RORA: variants seen among roughly 807,000 people sequenced by gnomAD.
RORA encodes nuclear receptor ROR-alpha.
Under a neutral mutation model 69.5 loss-of-function variants are expected in RORA, and 7 were observed. That is an observed-to-expected ratio of 0.10 (90% CI 0.06 to 0.19). The LOEUF is 0.19. Among genes scored for constraint, RORA ranks in the 10% least tolerant of loss-of-function variants. RORA has a pLI of 1.00. For missense variants in RORA, 457 were observed against 663.0 expected (o/e 0.69, Z 3.41); for synonymous variants, 261 against 240.8 (o/e 1.08, Z -0.78).
rs2080033404 is a variant in RORA, at chr15:61,215,558, C to G, written c.166+13495G>C. Among the ~76,000 whole-genome samples the G allele has an allele frequency of 1.3e-5, 2 of 152,198 alleles. 1 individual carries two copies. The highest frequency in any genetic ancestry group is 4.1e-4 in the South Asian group (2 of 4,828). On this transcript the variant is annotated intron_variant, in intron 1 of 10. Coordinates refer to ENST00000335670, the MANE Select transcript of RORA (RefSeq NM_134261.3). ...ATTAATATGTGTCCCCATTCATAATCAACTTGTTAAAAGGCAACATAAGCC... is the reference window on the plus strand; with the variant it reads ...ATTAATATGTGTCCCCATTCATAATGAACTTGTTAAAAGGCAACATAAGCC...
At chr15:60,731,810 T>C (rs1282883356) in intron 1 of RORA, among the ~76,000 whole-genome samples, 1 of 152,248 alleles carries the variant, frequency 6.6e-6, no homozygotes, top group Non-Finnish European at 1.5e-5. Flanking sequence ...ATCATCTCCA[T>C]TATTAGCAGC....
intron 1 of RORA, among the ~76,000 whole-genome samples, chr15:61,204,893 CT>C (rs1266689180): frequency 2.0e-5 from 3 of 152,188 alleles, no homozygotes; most frequent in Non-Finnish European, 4.4e-5. Context: ...AGCCCTGAGG[CT>C]TATGGAAGAG....
Position 60,558,231 on chromosome 15 carries a change from G to A in RORA, c.197-26380C>T, listed in dbSNP as rs775864488. On this transcript the variant is annotated intron_variant, in intron 2 of 10. Transcript: ENST00000335670. ...GGCCTTTGGATTCACTTACACAGACGCCAGTAAGAACAAAAGCATCACCTG... is the reference window on the plus strand; with the variant it reads ...GGCCTTTGGATTCACTTACACAGACACCAGTAAGAACAAAAGCATCACCTG... 1.6e-5 allele frequency: 26 copies of A among 1,608,720 alleles called. No individual in the cohort carries two copies. Among genetic ancestry groups the A allele is most frequent in the Middle Eastern group, 2.2e-4 (1 of 4,574 alleles).
chr15:60,839,578 C>T (rs1244628392), intron 1 of RORA, among the ~76,000 whole-genome samples: 1 of 152,224 alleles, frequency 6.6e-6, no homozygotes, highest in East Asian at 1.9e-4. Flanking sequence ...CACACCCTTA[C>T]TCACTGCATT....
rs1167561370 is a variant in RORA at position 60,905,400 on chromosome 15, T to G, written c.167-226714A>C. Among the ~76,000 whole-genome samples, 3 of 152,238 alleles carry G rather than the reference T, an allele frequency of 2.0e-5. No homozygotes were observed. Among genetic ancestry groups the G allele is most frequent in the African/African-American group, 7.2e-5 (3 of 41,460 alleles). On this transcript the variant is annotated intron_variant, in intron 1 of 10. Coordinates refer to ENST00000335670, the MANE Select transcript of RORA (RefSeq NM_134261.3). The surrounding 1 kb of genome is among the most constrained non-coding windows in gnomAD (Gnocchi z 4.8). ...ACAGCTCATTAGATCAACTTTTTTT[T>G]CTGTGTATTTTTTTTTCTTTTTAAA...
intron 1 of RORA, among the ~76,000 whole-genome samples, chr15:61,166,499 C>T (rs2079540683): frequency 3.3e-5 from 5 of 152,142 alleles, no homozygotes; most frequent in Admixed American, 3.3e-4. Flanking sequence ...TCTTACACAA[C>T]ATTTGGACTT....
chr15:61,089,256 T>G (rs1423760916), intron 1 of RORA, among the ~76,000 whole-genome samples: 1 of 152,166 alleles, frequency 6.6e-6, no homozygotes, highest in Non-Finnish European at 1.5e-5. Context: ...CCCCCTACTG[T>G]AGAAAAAAGT....
chr15:61,228,915 G>C (rs1251556647), intron 1 of RORA, 138 bp downstream of exon 1: 3 of 176,490 alleles, frequency 1.7e-5, no homozygotes, highest in East Asian at 3.9e-4. Flanking sequence ...GGGGAGGGGG[G>C]TCCTCCGGGC....
At chr15:61,185,024 A>T (rs12440059) in intron 1 of RORA, among the ~76,000 whole-genome samples, 5,855 of 128,420 alleles carry the variant, frequency 0.046, 840 homozygotes, top group Middle Eastern at 0.061. Context: ...GAAGAAGAAG[A>T]AGGACTGTTA....
Position 60,555,566 on chromosome 15 carries a change from T to C in RORA, c.197-23715A>G, listed in dbSNP as rs75620566. ...CCTTGTTCAAAAGAATTAGTGGCAA[T>C]GTTAAAATTCTGTTTGGTACTAGGT... On this transcript the variant is annotated intron_variant, in intron 2 of 10. Transcript: ENST00000335670. Among the ~76,000 whole-genome samples, 204 of 152,188 alleles carry C rather than the reference T, an allele frequency of 1.3e-3. 4 individuals are homozygous for C. The East Asian group carries it at 0.036, about 27-fold the overall frequency.
At chr15:60,779,049 G>A (rs2072215365) in intron 1 of RORA, among the ~76,000 whole-genome samples, 1 of 152,096 alleles carries the variant, frequency 6.6e-6, no homozygotes, top group African/African-American at 2.4e-5. Flanking sequence ...CACTGTGTGA[G>A]GTATGAATTA....
intron 4 of RORA, among the ~76,000 whole-genome samples, chr15:60,513,906 C>A (rs994502685): frequency 6.6e-6 from 1 of 152,182 alleles, no homozygotes; most frequent in African/African-American, 2.4e-5. Context: ...TTGGAAAAAT[C>A]CTTAAAATGG....
chr15:61,199,889 G>A (rs139028362), intron 1 of RORA, among the ~76,000 whole-genome samples: 5 of 152,286 alleles, frequency 3.3e-5, no homozygotes, highest in Admixed American at 1.3e-4. Context: ...GAGCTGTGCC[G>A]TGCTGTCGGG....
chr15:60,709,073 T>C (rs887427238), intron 1 of RORA, among the ~76,000 whole-genome samples: 13 of 152,300 alleles, frequency 8.5e-5, no homozygotes, highest in Admixed American at 7.2e-4. Flanking sequence ...CAGGAAACCA[T>C]TGATTTTCCA....
chr15:60,870,913 A>C (rs574341971), intron 1 of RORA, among the ~76,000 whole-genome samples: 20 of 152,234 alleles, frequency 1.3e-4, no homozygotes, highest in Non-Finnish European at 2.6e-4. Context: ...TCTCTTGCCA[A>C]GAAGTATTTT....
intron 2 of RORA, among the ~76,000 whole-genome samples, chr15:60,614,732 G>A (rs2069185049): frequency 6.6e-6 from 1 of 152,050 alleles, no homozygotes. Context: ...CTGGGCAAAT[G>A]GCTTAATATC....
At chr15:60,838,459 C>T (rs944941162) in intron 1 of RORA, among the ~76,000 whole-genome samples, 11 of 152,156 alleles carry the variant, frequency 7.2e-5, no homozygotes, top group Non-Finnish European at 7.3e-5. Context: ...AGCAGGTCAC[C>T]GGGCCATGGG....
At chr15:61,214,593 T>C (rs1349441912) in intron 1 of RORA, among the ~76,000 whole-genome samples, 2 of 152,070 alleles carry the variant, frequency 1.3e-5, no homozygotes, top group African/African-American at 4.8e-5. Context: ...AGAAGCAAAA[T>C]CCAAAAGCGG....
intron 1 of RORA, among the ~76,000 whole-genome samples, chr15:61,010,992 G>A (rs898058280): frequency 2.6e-5 from 4 of 152,150 alleles, no homozygotes; most frequent in African/African-American, 7.2e-5. Context: ...CCTAAACATC[G>A]TGTAAGGCTT....
Sources: allele counts gnomAD v4.1 joint callset (sites outside exome capture counted in the v4.1 genomes callset), GRCh38; gene constraint gnomAD v4.1.1; non-coding constraint Gnocchi (gnomAD v3.1); transcripts MANE v1.5; gene names NCBI Gene and HGNC (gene_info 2026-07-23, HGNC 2026-07-21).